Variants in ANKRD44 observed in about 807,000 individuals in gnomAD.
The protein encoded by ANKRD44 is ankyrin repeat domain 44, also known as serine/threonine-protein phosphatase 6 regulatory ankyrin repeat subunit B.
In ANKRD44, 35 loss-of-function variants were observed where a neutral mutation model predicts 116.0. That is an observed-to-expected ratio of 0.30 (90% CI 0.23 to 0.40). The LOEUF (loss-of-function observed/expected upper bound fraction) is 0.40, where lower values mean the gene tolerates loss of function less well. ANKRD44 is among the 10% of genes least tolerant of loss of function. ANKRD44 has a pLI of 1.00. For missense variants in ANKRD44, 1,014 were observed against 1,242.6 expected, an observed-to-expected ratio of 0.82 and a Z score of 2.77; for synonymous variants, 435 against 461.8, an observed-to-expected ratio of 0.94 and a Z score of 0.74.
At chr2:197,170,566 AG>A (rs1168399583) in intron 2 of ANKRD44, among the ~76,000 whole-genome samples, 1 of 152,226 alleles carries the variant, frequency 6.6e-6, no homozygotes, top group East Asian at 1.9e-4. Flanking sequence ...AACTTCTTTA[AG>A]CTTTGTGCAT....
intron 1 of ANKRD44, among the ~76,000 whole-genome samples, chr2:197,191,766 C>A (rs2080829447): frequency 6.6e-6 from 1 of 152,090 alleles, no homozygotes; most frequent in African/African-American, 2.4e-5. Context: ...TGAAAGAGTT[C>A]TTAGTCATAA....
At chr2:197,309,731 C>G (rs960476421) in intron 1 of ANKRD44, among the ~76,000 whole-genome samples, 1 of 152,148 alleles carries the variant, frequency 6.6e-6, no homozygotes, top group Admixed American at 6.5e-5. Flanking sequence ...AGAGTTTTGT[C>G]ATGCAACTTG....
chr2:197,052,808 C>T (rs2077133677), intron 16 of ANKRD44, among the ~76,000 whole-genome samples: 1 of 152,114 alleles, frequency 6.6e-6, no homozygotes, highest in Non-Finnish European at 1.5e-5. Context: ...GCCTGACTGC[C>T]CCACTCCTAA....
rs188856069 is a variant in ANKRD44, at chr2:197,014,991, G to A, written c.1723-1279C>T. 1.6e-5 allele frequency: 3 copies of A among 191,092 alleles called. No homozygotes were observed. The Admixed American group carries it at 1.7e-4, about 11-fold the overall frequency. The allele number at this position is 191,092 out of a possible 1,614,324, so 11.8% of individuals were successfully genotyped here. On this transcript the variant is annotated intron_variant, in intron 17 of 27. Transcript: ENST00000282272. ...AAATGGGTATGGGGGACATGGTCAA[G>A]AGCAGTTGAGAAAATTGTTTATTGG... is the stretch of plus-strand genomic sequence containing the variant.
chr2:197,111,704 TAA>T (rs5837524), intron 8 of ANKRD44, among the ~76,000 whole-genome samples: 6,418 of 148,478 alleles, frequency 0.043, 176 homozygotes, highest in Middle Eastern at 0.08. Context: ...TAATTCCATT[TAA>T]AAAAAAAATC....
intron 20 of ANKRD44, among the ~76,000 whole-genome samples, chr2:197,006,760 A>C (rs1378614241): frequency 3.3e-5 from 5 of 152,138 alleles, no homozygotes; most frequent in Non-Finnish European, 7.3e-5. Flanking sequence ...AGCCCAAAAT[A>C]GCAATTTTAT....
chr2:197,112,194 CTTATTT>C (rs1217360508), intron 8 of ANKRD44, among the ~76,000 whole-genome samples: 4 of 152,080 alleles, frequency 2.6e-5, no homozygotes, highest in African/African-American at 4.8e-5. Context: ...CTATGTAACA[CTTATTT>C]TTATAAGTCT....
chr2:197,119,719 T>G (rs1275194035), intron 8 of ANKRD44, among the ~76,000 whole-genome samples: 1 of 152,214 alleles, frequency 6.6e-6, no homozygotes, highest in Non-Finnish European at 1.5e-5. Flanking sequence ...GAAATCATTT[T>G]TCAAAACCAG....
intron 1 of ANKRD44, among the ~76,000 whole-genome samples, chr2:197,279,788 C>A (rs576983131): frequency 1.3e-5 from 2 of 152,276 alleles, no homozygotes; most frequent in East Asian, 3.9e-4. Flanking sequence ...CCAATGAGAG[C>A]CATCAGCTGG....
rs552967393 is a variant in ANKRD44 at position 197,053,080 on chromosome 2, A to G, written c.1650+25623T>C. Among the ~76,000 whole-genome samples the G allele has an allele frequency of 5.3e-5, 8 of 152,316 alleles. No individual in the cohort carries two copies. The East Asian group carries it at 1.4e-3, about 26-fold the overall frequency. On this transcript the variant is annotated intron_variant, in intron 16 of 27. Coordinates refer to ENST00000282272, the MANE Select transcript of ANKRD44 (RefSeq NM_001195144.2). ...CAGCTACTCAGGAGGCTGAGGCAGG[A>G]GAATTGCTTGAACCCAGGAGGTGGA...
At chr2:197,309,359 C>G (rs1202124796) in intron 1 of ANKRD44, among the ~76,000 whole-genome samples, 1 of 152,174 alleles carries the variant, frequency 6.6e-6, no homozygotes, top group East Asian at 1.9e-4. Context: ...TGAATTTTAA[C>G]TCAGTGATTT....
At chr2:197,079,636 G>A (rs1245807192) in intron 15 of ANKRD44, among the ~76,000 whole-genome samples, 1 of 152,200 alleles carries the variant, frequency 6.6e-6, no homozygotes, top group African/African-American at 2.4e-5. Flanking sequence ...GTCAGGAAGC[G>A]CTGCTTCATA....
chr2:197,159,698 G>T (rs2079910749), intron 2 of ANKRD44, among the ~76,000 whole-genome samples: 1 of 152,156 alleles, frequency 6.6e-6, no homozygotes, highest in African/African-American at 2.4e-5. Flanking sequence ...GATTCATAAA[G>T]TTGCCAAGTA....
chr2:197,043,132 T>C lies in ANKRD44; in HGVS notation c.1651-17865A>G, dbSNP rs1045434915. The stretch of plus-strand genomic sequence containing the variant: ...CCTAACCAGTTTCACTGTTTGCTGA[T>C]AGCTTCAATAAACGGGTTTAAGAAG... On this transcript the variant is annotated intron_variant, in intron 16 of 27. Coordinates refer to ENST00000282272, the MANE Select transcript of ANKRD44 (RefSeq NM_001195144.2). Among the ~76,000 whole-genome samples, 25 of 152,344 alleles carry C rather than the reference T, an allele frequency of 1.6e-4. No individual in the cohort carries two copies. The East Asian group carries it at 1.7e-3, about 11-fold the overall frequency.
At chr2:196,973,812 A>T (rs2075736577) in intron 21 of ANKRD44, among the ~76,000 whole-genome samples, 2 of 152,180 alleles carry the variant, frequency 1.3e-5, no homozygotes, top group African/African-American at 4.8e-5. Flanking sequence ...TTCCTATTGC[A>T]TTCTATTGCC....
chr2:197,168,773 C>T lies in ANKRD44; in HGVS notation c.111+18250G>A, dbSNP rs116486556. On this transcript the variant is annotated intron_variant, in intron 2 of 27. Coordinates refer to ENST00000282272, the MANE Select transcript of ANKRD44 (RefSeq NM_001195144.2). Reference sequence around the variant, plus strand: ...TCATGACACACTTGGAAGCAATCTGCAGCTCTCCCCATGTAGAGGTTAGAA... The same window carrying T: ...TCATGACACACTTGGAAGCAATCTGTAGCTCTCCCCATGTAGAGGTTAGAA... Among the ~76,000 whole-genome samples the T allele has an allele frequency of 3.4e-3, 523 of 152,302 alleles. 5 individuals carry two copies. Among genetic ancestry groups the T allele is most frequent in the African/African-American group, 0.012 (507 of 41,552 alleles).
intron 1 of ANKRD44, among the ~76,000 whole-genome samples, chr2:197,300,346 C>T (rs1414500212): frequency 6.6e-6 from 1 of 152,210 alleles, no homozygotes; most frequent in South Asian, 2.1e-4. Context: ...ACGTCACTCA[C>T]CTGGGTTCTA....
intron 16 of ANKRD44, among the ~76,000 whole-genome samples, chr2:197,066,995 A>C (rs1167120895): frequency 4.6e-5 from 7 of 152,232 alleles, no homozygotes; most frequent in Non-Finnish European, 7.3e-5. Context: ...AAGCCAAAAG[A>C]ACAAAGCTGG....
At chr2:197,219,245 T>G (rs1047715609) in intron 1 of ANKRD44, among the ~76,000 whole-genome samples, 1 of 152,092 alleles carries the variant, frequency 6.6e-6, no homozygotes, top group Non-Finnish European at 1.5e-5. Flanking sequence ...AATTTTTGTA[T>G]TTTTAGTAGA....
Sources: gnomAD v4.1 joint callset for allele counts (sites outside exome capture counted in the v4.1 genomes callset) on GRCh38, gnomAD v4.1.1 for gene constraint, MANE v1.5 for transcripts, NCBI Gene and HGNC (gene_info 2026-07-23, HGNC 2026-07-21) for gene names.